The following DEGS1 variants were observed in gnomAD, a reference collection of about 807,000 sequenced individuals.
The protein encoded by DEGS1 is sphingolipid delta(4)-desaturase DES1.
A neutral mutation model predicts 24.1 loss-of-function variants in DEGS1; 17 were observed. That is an observed-to-expected ratio of 0.70 (90% CI 0.48 to 1.06). The LOEUF (loss-of-function observed/expected upper bound fraction) is 1.06. Among genes scored for constraint, DEGS1 ranks in the 50% least tolerant of loss-of-function variants. The pLI is 0.00. For missense variants in DEGS1, 366 were observed against 408.9 expected (o/e 0.90, Z 0.91); for synonymous variants, 134 against 140.0 (o/e 0.96, Z 0.30).
At position 224,192,785 on chromosome 1, in the gene DEGS1, G is replaced by A. The variant is rs1318161003; in HGVS notation, c.*307G>A. On this transcript the variant is annotated 3_prime_UTR_variant, in exon 3 of 3. Transcript: ENST00000323699. Reference sequence around the variant, plus strand: ...AAAAAGCTATTTCGCCAGGCACGGTGGCTCATGCCTATAATCCCAGCACTT... The same window carrying A: ...AAAAAGCTATTTCGCCAGGCACGGTAGCTCATGCCTATAATCCCAGCACTT... 1.5e-5 allele frequency: 4 copies of A among 269,078 alleles called. No individual in the cohort carries two copies. Among genetic ancestry groups the A allele is most frequent in the African/African-American group, 9.4e-5 (4 of 42,624 alleles). 16.7% of individuals were successfully genotyped at this position (269,078 alleles called of 1,614,324 possible). A position where few individuals can be genotyped will look rare whatever the true frequency, so the allele number is the denominator to read the frequency against.
At chr1:224,189,431 T>C (rs754909943) in intron 1 of DEGS1, 146 bp from the exon 2 acceptor site, 2 of 550,884 alleles carry the variant, frequency 3.6e-6, no homozygotes, top group East Asian at 3.1e-5. Context: ...CCCTGTGTTA[T>C]TAAATATCCA....
At chr1:224,185,877 G>T (rs1290115854) in intron 1 of DEGS1, among the ~76,000 whole-genome samples, 2 of 152,124 alleles carry the variant, frequency 1.3e-5, no homozygotes, top group Non-Finnish European at 2.9e-5. Flanking sequence ...ACCAACTCTG[G>T]AATACTGAAA....
chr1:224,192,240 C>A, intron 2 of DEGS1, 92 bp from the exon 3 acceptor site: 1 of 1,110,830 alleles, frequency 9.0e-7, no homozygotes. Context: ...CATGGTTTCC[C>A]TTCTCAGTGT....
chr1:224,183,993 C>T (rs972298954), intron 1 of DEGS1, among the ~76,000 whole-genome samples: 10 of 152,306 alleles, frequency 6.6e-5, no homozygotes, highest in Admixed American at 2.0e-4. Context: ...AGGGGGCCGG[C>T]GTCCCTCCAT....
Position 224,183,309 on chromosome 1 carries a change from A to T in DEGS1, c.-28A>T, listed in dbSNP as rs1410830940. 5.4e-6 allele frequency: 8 copies of T among 1,476,668 alleles called. No individual in the cohort carries two copies. The highest frequency in any genetic ancestry group is 2.7e-6 in the Non-Finnish European group (3 of 1,111,524). The allele number at this position is 1,476,668 out of a possible 1,614,324, so 91.5% of individuals were successfully genotyped here. A position where few individuals can be genotyped will look rare whatever the true frequency, so the allele number is the denominator to read the frequency against. On this transcript the variant is annotated 5_prime_UTR_variant, in exon 1 of 3. Coordinates refer to ENST00000323699, the MANE Select transcript of DEGS1 (RefSeq NM_003676.4). ...CAGCCGGCTGGGAGCGAGAGCCGAC[A>T]GCTAGTCTGCAAGCCACCGCTGTCG... is the stretch of plus-strand genomic sequence containing the variant.
At position 224,189,592 on chromosome 1, in the gene DEGS1, T is replaced by G. The variant is rs756860898; in HGVS notation, c.98T>G (p.Ile33Arg). 6.3e-7 allele frequency: 1 copy of G among 1,597,666 alleles called. No homozygotes were observed. Among genetic ancestry groups the G allele is most frequent in the Non-Finnish European group, 8.5e-7 (1 of 1,173,058 alleles). Residue 33 changes from isoleucine (I) to arginine (R), a missense_variant, in exon 2 of 3, where the codon ATA (isoleucine) becomes AGA (arginine). Transcript: ENST00000323699. ...RREILAKYPEIKSLMKPDPNL... is the reference protein window; with the variant it reads ...RREILAKYPERKSLMKPDPNL... ...TTCTTTACAGCAAAGTATCCAGAGATAAAGTCCTTGATGAAACCTGATCCC... is the reference window on the plus strand; with the variant it reads ...TTCTTTACAGCAAAGTATCCAGAGAGAAAGTCCTTGATGAAACCTGATCCC...
Position 224,189,845 on chromosome 1 carries a change from G to C in DEGS1, c.351G>C (p.Gly117=), listed in dbSNP as rs763965466. 8 of 1,614,170 alleles carry C rather than the reference G, an allele frequency of 5.0e-6. No individual in the cohort carries two copies. The highest frequency in any genetic ancestry group is 5.9e-6 in the Non-Finnish European group (7 of 1,180,032). Reference sequence around the variant, plus strand: ...GAATGTTTGCTAATCTTCCTATTGGGATTCCATATTCAATTTCCTTTAAGA... The same window carrying C: ...GAATGTTTGCTAATCTTCCTATTGGCATTCCATATTCAATTTCCTTTAAGA... The part of the protein sequence containing the change: ...WFGMFANLPI[G]IPYSISFKRY... The change falls in exon 2 of 3, where the codon GGG becomes GGC. Residue 117 remains glycine (G), a synonymous_variant. Transcript: ENST00000323699.
chr1:224,185,950 G>A (rs542119130), intron 1 of DEGS1, among the ~76,000 whole-genome samples: 8 of 152,044 alleles, frequency 5.3e-5, no homozygotes, highest in African/African-American at 1.9e-4. Flanking sequence ...CCTGTAATCC[G>A]AGCACTTTGA....
At chr1:224,192,212 G>T in intron 2 of DEGS1, 120 bp from the exon 3 acceptor site, 1 of 714,590 alleles carries the variant, frequency 1.4e-6, no homozygotes, top group Non-Finnish European at 2.2e-6. Context: ...TTTTAAGAGA[G>T]AGGAGGGAGG....
intron 1 of DEGS1, 130 bp downstream of exon 1, chr1:224,183,548 C>T: frequency 1.5e-6 from 1 of 658,308 alleles, no homozygotes. Flanking sequence ...CGTCGCGTCC[C>T]GTCGCCGCTC....
At chr1:224,189,241 G>C (rs955908213) in intron 1 of DEGS1, among the ~76,000 whole-genome samples, 1 of 152,136 alleles carries the variant, frequency 6.6e-6, no homozygotes, top group African/African-American at 2.4e-5. Flanking sequence ...TCCTTTGTCA[G>C]ATGTGTTAAT....
chr1:224,191,090 A>T (rs1190256831), intron 2 of DEGS1: 3 of 152,142 alleles, frequency 2.0e-5, no homozygotes, highest in Non-Finnish European at 4.4e-5. Context: ...ACATTTTTAT[A>T]GAGCTGGAGT....
chr1:224,192,299 A>C (rs1308871189), intron 2 of DEGS1, 33 bp from the exon 3 acceptor site: 3 of 1,597,156 alleles, frequency 1.9e-6, no homozygotes, highest in Non-Finnish European at 2.6e-6. Flanking sequence ...AGTAACACTC[A>C]TTTTTCATCT....
chr1:224,185,772 G>A (rs566856852), intron 1 of DEGS1, among the ~76,000 whole-genome samples: 1 of 152,304 alleles, frequency 6.6e-6, no homozygotes, highest in African/African-American at 2.4e-5. Flanking sequence ...GGGATTACAG[G>A]CGTGAGCCAC....
chr1:224,191,086 T>G (rs1658524477), intron 2 of DEGS1: 1 of 152,106 alleles, frequency 6.6e-6, no homozygotes, highest in Admixed American at 6.6e-5. Flanking sequence ...TTTAACATTT[T>G]TATAGAGCTG....
chr1:224,192,245 C>T, intron 2 of DEGS1, 87 bp from the exon 3 acceptor site: 1 of 1,159,106 alleles, frequency 8.6e-7, no homozygotes, highest in Non-Finnish European at 1.2e-6. Context: ...TTTCCCTTCT[C>T]AGTGTTTGTG....
intron 1 of DEGS1, among the ~76,000 whole-genome samples, chr1:224,184,812 G>A (rs1335645663): frequency 6.6e-6 from 1 of 151,924 alleles, no homozygotes; most frequent in Non-Finnish European, 1.5e-5. Flanking sequence ...CACCGTGCCC[G>A]GCCAGAGCAC....
intron 1 of DEGS1, 39 bp from the exon 2 acceptor site, chr1:224,189,538 A>G (rs1254680774): frequency 4.8e-6 from 7 of 1,458,312 alleles, no homozygotes; most frequent in Non-Finnish European, 6.5e-6. Flanking sequence ...ACTATTACAT[A>G]CTTTTCTTAG....
intron 1 of DEGS1, 31 bp downstream of exon 1, chr1:224,183,449 G>C: frequency 7.7e-7 from 1 of 1,306,450 alleles, no homozygotes; most frequent in Non-Finnish European, 9.8e-7. Flanking sequence ...CGTTATGTGC[G>C]TGCGTGGCCT....
Sources: gnomAD v4.1 joint callset for allele counts (sites outside exome capture counted in the v4.1 genomes callset) on GRCh38, gnomAD v4.1.1 for gene constraint, MANE v1.5 for transcripts, NCBI Gene and HGNC (gene_info 2026-07-23, HGNC 2026-07-21) for gene names.